Variants in ADGRL3 observed in about 807,000 individuals in gnomAD.
ADGRL3 encodes the protein adhesion G protein-coupled receptor L3.
Under a neutral mutation model 153.5 loss-of-function variants are expected in ADGRL3, and 62 were observed. The observed-to-expected ratio is 0.40, with a 90% CI of 0.33 to 0.50. ADGRL3 has a LOEUF of 0.50. Ranked by LOEUF, ADGRL3 falls within the 20% of genes least tolerant of loss-of-function variation. The probability of loss-of-function intolerance (pLI) is 0.47; values close to 1 mark genes in which losing one functional copy is unlikely to be tolerated. For missense variants in ADGRL3, 1,641 were observed against 1,859.4 expected, an observed-to-expected ratio of 0.88 and a Z score of 2.16; for synonymous variants, 710 against 672.5, an observed-to-expected ratio of 1.06 and a Z score of -0.86.
intron 2 of ADGRL3, among the ~76,000 whole-genome samples, chr4:61,415,941 A>G (rs2097139980): frequency 6.6e-6 from 1 of 152,030 alleles, no homozygotes; most frequent in South Asian, 2.1e-4. Flanking sequence ...TTTTTTCCAT[A>G]AAACATTGCA....
intron 5 of ADGRL3, among the ~76,000 whole-genome samples, chr4:61,606,786 C>A (rs1470387386): frequency 6.6e-6 from 1 of 152,050 alleles, no homozygotes; most frequent in African/African-American, 2.4e-5. Flanking sequence ...AGGAGAGTCC[C>A]TGTCTTGCAT....
intron 2 of ADGRL3, among the ~76,000 whole-genome samples, chr4:61,487,941 A>G (rs543733552): frequency 6.6e-6 from 1 of 152,110 alleles, no homozygotes; most frequent in African/African-American, 2.4e-5. Flanking sequence ...CACTGATTTT[A>G]TTTCCAGTTG....
chr4:62,068,010 T>C (rs1015300546), intron 25 of ADGRL3, among the ~76,000 whole-genome samples, 156 bp from the exon 26 acceptor site: 1 of 152,172 alleles, frequency 6.6e-6, no homozygotes, highest in Non-Finnish European at 1.5e-5. Flanking sequence ...TGGTAAATCA[T>C]GTAACCCAGA....
rs145141927 is a variant in ADGRL3, at chr4:61,595,448, A to T, written c.473+8008A>T. 8.9e-4 allele frequency among the ~76,000 whole-genome samples: 136 copies of T among 152,002 alleles called. 1 individual carries two copies. The East Asian group carries it at 0.014, about 16-fold the overall frequency. On this transcript the variant is annotated intron_variant, in intron 5 of 26. Transcript: ENST00000683033. ...TTCTTGATCCAGGATGTGTTGAGAAATGTCATCTAGGAGCTATGGCCTGGA... is the reference window on the plus strand; with the variant it reads ...TTCTTGATCCAGGATGTGTTGAGAATTGTCATCTAGGAGCTATGGCCTGGA...
intron 9 of ADGRL3, among the ~76,000 whole-genome samples, chr4:61,863,333 G>C (rs542513863): frequency 3.4e-5 from 5 of 147,468 alleles, no homozygotes; most frequent in African/African-American, 5.1e-5. Context: ...CGCCTCCCGG[G>C]TTCACGCCAT....
chr4:61,256,907 T>G (rs1476154901), intron 1 of ADGRL3, among the ~76,000 whole-genome samples: 1 of 152,188 alleles, frequency 6.6e-6, no homozygotes, highest in African/African-American at 2.4e-5. Flanking sequence ...CCAACAGTTT[T>G]TTTGATTCTC....
At chr4:61,408,080 G>A (rs181629994) in intron 2 of ADGRL3, among the ~76,000 whole-genome samples, 74 of 152,140 alleles carry the variant, frequency 4.9e-4, no homozygotes, top group Non-Finnish European at 8.7e-4. Flanking sequence ...GAGGGAAGAG[G>A]AAAGGAAATA....
chr4:61,603,109 G>C lies in ADGRL3; in HGVS notation c.473+15669G>C, dbSNP rs542003761. 1.1e-4 allele frequency among the ~76,000 whole-genome samples: 17 copies of C among 152,236 alleles called. 1 individual carries two copies. In the East Asian group the frequency reaches 1.2e-3, roughly 10 times the overall value. On this transcript the variant is annotated intron_variant, in intron 5 of 26. Coordinates refer to ENST00000683033, the MANE Select transcript of ADGRL3 (RefSeq NM_001387552.1). ...TTATCCTTGTGAATATTGTCTCACG[G>C]TGACATTTCATTCTGTCAATATTGT...
intron 2 of ADGRL3, among the ~76,000 whole-genome samples, chr4:61,428,980 A>G (rs2152398947): frequency 6.6e-6 from 1 of 152,048 alleles, no homozygotes; most frequent in Admixed American, 6.6e-5. Context: ...TTATATAATT[A>G]TGGCTTAATG....
Position 61,698,617 on chromosome 4 carries a change from T to C in ADGRL3, c.583+21682T>C, listed in dbSNP as rs568079081. Among the ~76,000 whole-genome samples, 7 of 152,318 alleles carry C rather than the reference T, an allele frequency of 4.6e-5. No individual in the cohort carries two copies. The South Asian group carries it at 1.5e-3, about 32-fold the overall frequency. On this transcript the variant is annotated intron_variant, in intron 6 of 26. Coordinates refer to ENST00000683033, the MANE Select transcript of ADGRL3 (RefSeq NM_001387552.1). ...TTCTCAAGTATTTTTTTTAATTCCA[T>C]TAATTATACATGAAATAAATTGTTT...
chr4:61,909,791 G>C (rs1370943827), intron 12 of ADGRL3, 46 bp downstream of exon 12: 1 of 1,382,660 alleles, frequency 7.2e-7, no homozygotes. Context: ...GTGTGTGTGT[G>C]TGTGTGTGTG....
chr4:62,031,689 A>G (rs1722120758), intron 23 of ADGRL3, 79 bp downstream of exon 23: 1 of 921,436 alleles, frequency 1.1e-6, no homozygotes, highest in Non-Finnish European at 1.6e-6. Flanking sequence ...ATTCTAATAT[A>G]TTATTCTTGA....
At chr4:61,474,849 A>G (rs2098023792) in intron 2 of ADGRL3, among the ~76,000 whole-genome samples, 1 of 152,154 alleles carries the variant, frequency 6.6e-6, no homozygotes, top group South Asian at 2.1e-4. Context: ...CAAATGTAGT[A>G]TATCTCTTCC....
intron 1 of ADGRL3, among the ~76,000 whole-genome samples, chr4:61,292,012 A>G (rs2094237485): frequency 6.6e-6 from 1 of 151,038 alleles, no homozygotes; most frequent in Non-Finnish European, 1.5e-5. Context: ...TTTAATCACT[A>G]TTAAAAGGAA....
intron 1 of ADGRL3, among the ~76,000 whole-genome samples, chr4:61,332,350 T>A (rs544520152): frequency 1.1e-4 from 17 of 152,260 alleles, no homozygotes; most frequent in African/African-American, 3.8e-4. Context: ...GAAGGGAGAT[T>A]GAAATTTATA....
chr4:61,373,186 C>G (rs2096560944), intron 1 of ADGRL3, among the ~76,000 whole-genome samples: 1 of 152,166 alleles, frequency 6.6e-6, no homozygotes, highest in Non-Finnish European at 1.5e-5. Context: ...AATCACCCGT[C>G]TTCGTCGCTC....
rs530072417 is a variant in ADGRL3 at position 61,461,690 on chromosome 4, A to G, written c.-173-35431A>G. Among the ~76,000 whole-genome samples, 29 of 152,314 alleles carry G rather than the reference A, an allele frequency of 1.9e-4. No homozygotes were observed. The South Asian group carries it at 3.7e-3, about 20-fold the overall frequency. On this transcript the variant is annotated intron_variant, in intron 2 of 26. Coordinates refer to ENST00000683033, the MANE Select transcript of ADGRL3 (RefSeq NM_001387552.1). ...TCAGCTCATGTTCTATTGTGTATGA[A>G]TTATATTTATAAACTCATCACATGA...
At chr4:62,021,560 C>A (rs182350258) in intron 21 of ADGRL3, among the ~76,000 whole-genome samples, 1 of 152,202 alleles carries the variant, frequency 6.6e-6, no homozygotes, top group Non-Finnish European at 1.5e-5. Context: ...TAATACTTCC[C>A]AGACATTGCA....
intron 8 of ADGRL3, among the ~76,000 whole-genome samples, chr4:61,788,894 T>C (rs1007120763): frequency 6.6e-6 from 1 of 152,188 alleles, no homozygotes; most frequent in South Asian, 2.1e-4. Context: ...AATAATGTCA[T>C]AGTAAAAATA....
Sources: gnomAD v4.1 joint callset for allele counts (sites outside exome capture counted in the v4.1 genomes callset) on GRCh38, gnomAD v4.1.1 for gene constraint, MANE v1.5 for transcripts, NCBI Gene and HGNC (gene_info 2026-07-23, HGNC 2026-07-21) for gene names.